The following NCAM1 variants were observed in gnomAD, a reference collection of about 807,000 sequenced individuals.
NCAM1 encodes antigen recognized by monoclonal antibody 5.1H11.
NCAM1 carries 14 observed loss-of-function variants against 109.8 expected under a neutral mutation model. The observed-to-expected ratio is 0.13, with a 90% confidence interval of 0.08 to 0.20. The LOEUF (loss-of-function observed/expected upper bound fraction) is 0.20, where lower values mean the gene tolerates loss of function less well. Among genes scored for constraint, NCAM1 ranks in the 10% least tolerant of loss-of-function variants. NCAM1 has a pLI of 1.00. For synonymous variants in NCAM1, 418 were observed against 442.9 expected, an observed-to-expected ratio of 0.94 and a Z score of 0.70; for missense variants, 774 against 1,109.9, an observed-to-expected ratio of 0.70 and a Z score of 4.30.
chr11:112,972,196 G>C (rs1950902376), intron 1 of NCAM1, among the ~76,000 whole-genome samples: 1 of 152,136 alleles, frequency 6.6e-6, no homozygotes, highest in Non-Finnish European at 1.5e-5. Flanking sequence ...GGGTTGATGA[G>C]GTAAGTATGT....
intron 1 of NCAM1, among the ~76,000 whole-genome samples, chr11:113,082,310 C>T (rs1938860039): frequency 6.6e-6 from 1 of 152,230 alleles, no homozygotes; most frequent in Non-Finnish European, 1.5e-5. Context: ...TGTGATTATA[C>T]ATTTTTTGAT....
chr11:113,143,108 A>G (rs1388211297), intron 1 of NCAM1, among the ~76,000 whole-genome samples: 1 of 152,194 alleles, frequency 6.6e-6, no homozygotes, highest in African/African-American at 2.4e-5. Flanking sequence ...CCATTTTCAT[A>G]CATAAGAAAA....
rs782805019 is a variant in NCAM1 at position 113,270,252 on chromosome 11, C to T, written c.2196C>T (p.Phe732=). ...GAIVGILIVI[F]VLLLVVVDIT... Reference sequence around the variant, plus strand: ...TCGTGGGCATCCTCATCGTCATCTTCGTCCTGCTCCTGGTGGTTGTGGACA... The same window carrying T: ...TCGTGGGCATCCTCATCGTCATCTTTGTCCTGCTCCTGGTGGTTGTGGACA... The change falls in exon 18 of 20, where the codon TTC becomes TTT. Residue 732 remains phenylalanine, a synonymous_variant. Coordinates refer to ENST00000316851, the MANE Select transcript of NCAM1 (RefSeq NM_181351.5). 20 of 1,613,936 alleles carry T rather than the reference C, an allele frequency of 1.2e-5. No homozygotes were observed. The highest frequency in any genetic ancestry group is 6.6e-5 in the South Asian group (6 of 91,088).
At chr11:113,225,454 G>C (rs1944815236) in intron 9 of NCAM1, among the ~76,000 whole-genome samples, 1 of 152,226 alleles carries the variant, frequency 6.6e-6, no homozygotes, top group African/African-American at 2.4e-5. Flanking sequence ...ATCTACATCT[G>C]ATTGGTGTAC....
chr11:113,037,003 G>A (rs569740450), intron 1 of NCAM1, among the ~76,000 whole-genome samples: 7 of 152,120 alleles, frequency 4.6e-5, no homozygotes, highest in African/African-American at 1.7e-4. Context: ...CTGTACCCAT[G>A]ACTTTAACTA....
chr11:113,204,155 C>A, intron 2 of NCAM1, 131 bp from the exon 3 acceptor site: 3 of 712,812 alleles, frequency 4.2e-6, no homozygotes, highest in South Asian at 1.9e-5. Context: ...GCCATACTCA[C>A]CCCTCCCTGA....
intron 1 of NCAM1, among the ~76,000 whole-genome samples, chr11:113,004,608 G>A (rs550483634): frequency 3.3e-5 from 5 of 152,022 alleles, no homozygotes; most frequent in Non-Finnish European, 2.9e-5. Context: ...AGGAAGTCAC[G>A]TGGCTTTCTG....
intron 1 of NCAM1, among the ~76,000 whole-genome samples, chr11:113,028,331 C>A (rs779426144): frequency 6.6e-6 from 1 of 151,786 alleles, no homozygotes; most frequent in African/African-American, 2.4e-5. Flanking sequence ...ATTATAAACA[C>A]GTTTTTTGAA....
intron 1 of NCAM1, among the ~76,000 whole-genome samples, chr11:113,108,325 G>T (rs1555092965): frequency 6.6e-6 from 1 of 152,210 alleles, no homozygotes; most frequent in African/African-American, 2.4e-5. Context: ...GTGCTGGAGT[G>T]TGCTGTATCT....
intron 9 of NCAM1, among the ~76,000 whole-genome samples, chr11:113,223,728 G>A (rs1375094738): frequency 2.0e-5 from 3 of 152,160 alleles, no homozygotes; most frequent in Non-Finnish European, 4.4e-5. Context: ...TTTTAGTTCA[G>A]TTGCTGGTTG....
intron 9 of NCAM1, among the ~76,000 whole-genome samples, chr11:113,224,936 T>C (rs1490020617): frequency 1.3e-5 from 2 of 152,108 alleles, no homozygotes; most frequent in Non-Finnish European, 2.9e-5. Flanking sequence ...CATCTGCATG[T>C]CACCATCATC....
chr11:113,262,562 A>G (rs1042824903), intron 17 of NCAM1, among the ~76,000 whole-genome samples: 3 of 152,206 alleles, frequency 2.0e-5, no homozygotes, highest in African/African-American at 7.2e-5. Context: ...AACTGGCCTT[A>G]TGGTATTGAT....
chr11:113,089,709 A>G (rs1413692407), intron 1 of NCAM1, among the ~76,000 whole-genome samples: 4 of 152,222 alleles, frequency 2.6e-5, no homozygotes, highest in Non-Finnish European at 5.9e-5. Context: ...TGTTGGAGAA[A>G]AAGAACAGAA....
intron 1 of NCAM1, among the ~76,000 whole-genome samples, chr11:113,031,419 C>T (rs1462570975): frequency 6.6e-6 from 1 of 152,174 alleles, no homozygotes; most frequent in Non-Finnish European, 1.5e-5. Flanking sequence ...AGGCCAGGCA[C>T]GATGGCTCAT....
At chr11:113,220,410 G>A (rs1944651835) in intron 8 of NCAM1, among the ~76,000 whole-genome samples, 1 of 152,002 alleles carries the variant, frequency 6.6e-6, no homozygotes, top group African/African-American at 2.4e-5. Context: ...TGGTCTCAAG[G>A]ACTTCATACT....
intron 1 of NCAM1, among the ~76,000 whole-genome samples, chr11:113,052,625 G>A (rs931117263): frequency 6.6e-6 from 1 of 152,150 alleles, no homozygotes; most frequent in African/African-American, 2.4e-5. Context: ...AATAACTGAA[G>A]CAACATTTTA....
At chr11:112,966,779 A>G (rs1396908144) in intron 1 of NCAM1, among the ~76,000 whole-genome samples, 1 of 152,240 alleles carries the variant, frequency 6.6e-6, no homozygotes, top group African/African-American at 2.4e-5. Flanking sequence ...CCTTTCAGGC[A>G]GTTTCAATAC....
At position 112,986,695 on chromosome 11, in the gene NCAM1, T is replaced by G. The variant is rs145553568; in HGVS notation, c.52+25031T>G. Among the ~76,000 whole-genome samples the G allele has an allele frequency of 9.9e-4, 151 of 152,170 alleles. 2 individuals are homozygous for G. Among genetic ancestry groups the G allele is most frequent in the Admixed American group, 8.9e-3 (136 of 15,260 alleles). ...GGTCATCCAATTTGTTGGCATATAA[T>G]CTTCACAGTAGTCTCTTATGATCCT... On this transcript the variant is annotated intron_variant, in intron 1 of 19. Coordinates refer to ENST00000316851, the MANE Select transcript of NCAM1 (RefSeq NM_181351.5).
chr11:113,085,641 T>A (rs145004292), intron 1 of NCAM1, among the ~76,000 whole-genome samples: 94 of 152,324 alleles, frequency 6.2e-4, no homozygotes, highest in African/African-American at 2.2e-3. Context: ...CCCAGGGGAC[T>A]CTGCAGCTGT....
Sources: gnomAD v4.1 joint callset for allele counts (sites outside exome capture counted in the v4.1 genomes callset) on GRCh38, gnomAD v4.1.1 for gene constraint, MANE v1.5 for transcripts, NCBI Gene and HGNC (gene_info 2026-07-23, HGNC 2026-07-21) for gene names.